The following MECOM variants were observed in gnomAD, a reference collection of about 807,000 sequenced individuals.
MECOM encodes MDS1 and EVI1 complex locus.
Under a neutral mutation model 116.3 loss-of-function variants are expected in MECOM, and 13 were observed. The ratio of observed to expected loss-of-function variants is 0.11; its 90% confidence interval spans 0.07 to 0.18. The LOEUF is 0.18. MECOM is among the 10% of genes least tolerant of loss of function. MECOM has a pLI of 1.00. For synonymous variants in MECOM, 528 were observed against 535.2 expected (o/e 0.99, Z 0.19); for missense variants, 1,299 against 1,509.0 (o/e 0.86, Z 2.31).
intron 2 of MECOM, among the ~76,000 whole-genome samples, chr3:169,191,897 G>A (rs1203206546): frequency 6.6e-6 from 1 of 152,024 alleles, no homozygotes; most frequent in African/African-American, 2.4e-5. Context: ...GCAGATATAT[G>A]TCAGATTGTG....
At chr3:169,251,821 G>C (rs1451075361) in intron 2 of MECOM, among the ~76,000 whole-genome samples, 4 of 152,168 alleles carry the variant, frequency 2.6e-5, no homozygotes, top group African/African-American at 9.7e-5. Context: ...GTGGAAGTGT[G>C]AATGTGTTTC....
At chr3:169,312,823 G>A (rs531629836) in intron 2 of MECOM, among the ~76,000 whole-genome samples, 2 of 152,208 alleles carry the variant, frequency 1.3e-5, no homozygotes, top group Non-Finnish European at 2.9e-5. Flanking sequence ...GGGGATGTCA[G>A]CTGGTAGTTG....
intron 2 of MECOM, among the ~76,000 whole-genome samples, chr3:169,282,096 G>T: frequency 6.6e-6 from 1 of 151,874 alleles, no homozygotes; most frequent in South Asian, 2.1e-4. Flanking sequence ...TTTTTTTCTT[G>T]GTCAAATATC....
chr3:169,244,818 A>G (rs1328717060), intron 2 of MECOM, among the ~76,000 whole-genome samples: 3 of 152,344 alleles, frequency 2.0e-5, no homozygotes, highest in Non-Finnish European at 1.5e-5. Context: ...AGAGAGATCA[A>G]CAAGTAAAAT....
chr3:169,301,999 A>C (rs1716800519), intron 2 of MECOM, among the ~76,000 whole-genome samples: 1 of 152,176 alleles, frequency 6.6e-6, no homozygotes, highest in Non-Finnish European at 1.5e-5. Flanking sequence ...GATGTCAAAG[A>C]GGGGTTTTTA....
chr3:169,302,591 G>A (rs1716932606), intron 2 of MECOM, among the ~76,000 whole-genome samples: 2 of 152,182 alleles, frequency 1.3e-5, no homozygotes, highest in African/African-American at 2.4e-5. Context: ...TTTGCCAGGT[G>A]TGGTGGATCA....
chr3:169,127,412 A>T (rs1733218712), intron 5 of MECOM, among the ~76,000 whole-genome samples: 1 of 152,146 alleles, frequency 6.6e-6, no homozygotes, highest in Admixed American at 6.5e-5. Flanking sequence ...TAAATCCATG[A>T]ATTACTGCTC....
chr3:169,492,357 T>A (rs1464700288), intron 1 of MECOM, among the ~76,000 whole-genome samples: 1 of 152,318 alleles, frequency 6.6e-6, no homozygotes, highest in Admixed American at 6.5e-5. Flanking sequence ...ACTTTTCCAT[T>A]CATTCCTTTG....
chr3:169,496,078 T>C (rs1200949625), intron 1 of MECOM, among the ~76,000 whole-genome samples: 1 of 152,186 alleles, frequency 6.6e-6, no homozygotes, highest in Admixed American at 6.5e-5. Context: ...ATTTAGGATA[T>C]GGGAGCCTCC....
intron 2 of MECOM, among the ~76,000 whole-genome samples, chr3:169,221,692 G>T (rs1051355798): frequency 6.6e-6 from 1 of 151,934 alleles, no homozygotes; most frequent in Non-Finnish European, 1.5e-5. Context: ...TGGCTGACGT[G>T]TCCTTCAGGA....
chr3:169,116,496 A>G lies in MECOM; in HGVS notation c.1376T>C (p.Met459Thr). ...AGCAAGGCCCGGGTTGGCATGACTC[A>G]TATTAACCATGGACGTTTTATCCAT... ...PAMDKTSMVN[M>T]SHANPGLADY... The change falls in exon 8 of 17, where the codon ATG (methionine) becomes ACG (threonine). Residue 459 changes from methionine (M) to threonine (T), a missense_variant. Transcript: ENST00000651503. The G allele has an allele frequency of 6.2e-7, 1 of 1,614,198 alleles. No individual in the cohort carries two copies. Among genetic ancestry groups the G allele is most frequent in the East Asian group, 2.2e-5 (1 of 44,886 alleles).
At chr3:169,621,478 C>T (rs553534031) in intron 1 of MECOM, among the ~76,000 whole-genome samples, 3 of 152,246 alleles carry the variant, frequency 2.0e-5, no homozygotes, top group South Asian at 4.1e-4. Flanking sequence ...ACAAGCTGGC[C>T]GGGCACGGTG....
At chr3:169,433,639 G>GAAAGAAAGAAAGAAAGAA (rs1553851603) in intron 1 of MECOM, among the ~76,000 whole-genome samples, 11 of 127,050 alleles carry the variant, frequency 8.7e-5, no homozygotes, top group Non-Finnish European at 1.1e-4. Context: ...GAAAGAGAAA[G>GAAAGAAAGAAAGAAAGAA]AGAAAGAAAG....
intron 2 of MECOM, among the ~76,000 whole-genome samples, chr3:169,356,091 A>G (rs1237085770): frequency 1.3e-5 from 2 of 151,860 alleles, no homozygotes; most frequent in African/African-American, 4.8e-5. Flanking sequence ...CAGACTTTTA[A>G]CCTCTCATCT....
intron 1 of MECOM, among the ~76,000 whole-genome samples, chr3:169,579,724 A>C (rs1028612178): frequency 1.3e-5 from 2 of 152,198 alleles, no homozygotes; most frequent in Non-Finnish European, 2.9e-5. Context: ...CTGGGCCCAA[A>C]TGAAAATGTC....
chr3:169,103,191 C>T (rs1463618070), intron 10 of MECOM, among the ~76,000 whole-genome samples: 2 of 151,432 alleles, frequency 1.3e-5, no homozygotes, highest in Non-Finnish European at 2.9e-5. Flanking sequence ...TCTTGAACTC[C>T]TGGTCTCAAG....
intron 2 of MECOM, among the ~76,000 whole-genome samples, chr3:169,152,685 C>A (rs1478483572): frequency 3.3e-5 from 5 of 152,092 alleles, no homozygotes; most frequent in Non-Finnish European, 7.4e-5. Context: ...AATTAGCACC[C>A]CGTTATTGTC....
At chr3:169,643,661 G>C (rs1054778891) in intron 1 of MECOM, among the ~76,000 whole-genome samples, 1 of 152,174 alleles carries the variant, frequency 6.6e-6, no homozygotes, top group Non-Finnish European at 1.5e-5. Flanking sequence ...CCAAGTGGAA[G>C]CTTCAAAAAC....
At chr3:169,432,732 A>G (rs1050199195) in intron 1 of MECOM, among the ~76,000 whole-genome samples, 3 of 152,328 alleles carry the variant, frequency 2.0e-5, no homozygotes, top group South Asian at 2.1e-4. Flanking sequence ...TGACCCTTAT[A>G]TCAAAGACTA....
Sources: allele counts gnomAD v4.1 joint callset (sites outside exome capture counted in the v4.1 genomes callset), GRCh38; gene constraint gnomAD v4.1.1; transcripts MANE v1.5; gene names NCBI Gene and HGNC (gene_info 2026-07-23, HGNC 2026-07-21).